Variants in ZBTB16 observed in about 807,000 individuals in gnomAD.
ZBTB16 encodes the protein zinc finger and BTB domain containing 16.
Under a neutral mutation model 56.8 loss-of-function variants are expected in ZBTB16, and 8 were observed. The ratio of observed to expected loss-of-function variants is 0.14; its 90% CI spans 0.08 to 0.25. ZBTB16 has a LOEUF of 0.25. Ranked by LOEUF, ZBTB16 falls within the 10% of genes least tolerant of loss-of-function variation. ZBTB16 has a pLI of 1.00. For missense variants in ZBTB16, 625 were observed against 903.0 expected (o/e 0.69, Z 3.95); for synonymous variants, 363 against 368.5 (o/e 0.98, Z 0.17).
At chr11:114,149,114 C>G (rs189245341) in intron 2 of ZBTB16, among the ~76,000 whole-genome samples, 2 of 152,196 alleles carry the variant, frequency 1.3e-5, no homozygotes, top group Admixed American at 1.3e-4. Context: ...AGCCCCACAG[C>G]CTTTCAGTTT....
chr11:114,229,703 A>G (rs1372920120), intron 4 of ZBTB16, among the ~76,000 whole-genome samples: 2 of 152,118 alleles, frequency 1.3e-5, no homozygotes, highest in African/African-American at 4.8e-5. Flanking sequence ...ATTATTTTCA[A>G]AGATACCTGT....
At chr11:114,080,843 T>C (rs1475944159) in intron 2 of ZBTB16, among the ~76,000 whole-genome samples, 1 of 152,344 alleles carries the variant, frequency 6.6e-6, no homozygotes, top group East Asian at 1.9e-4. Flanking sequence ...ACAGAGAGGT[T>C]GTCTAAGTGT....
intron 2 of ZBTB16, among the ~76,000 whole-genome samples, chr11:114,068,008 G>A (rs1452702951): frequency 8.3e-6 from 1 of 120,762 alleles, no homozygotes; most frequent in East Asian, 2.3e-4. Context: ...AAATGCTATG[G>A]TGGAAAAAAA....
At chr11:114,204,774 G>A (rs148625431) in intron 4 of ZBTB16, among the ~76,000 whole-genome samples, 26 of 152,156 alleles carry the variant, frequency 1.7e-4, no homozygotes, top group Non-Finnish European at 2.5e-4. Flanking sequence ...CTGTTTACTC[G>A]ACCATCCCAG....
chr11:114,155,299 G>A (rs1418548336), intron 2 of ZBTB16, among the ~76,000 whole-genome samples: 3 of 152,222 alleles, frequency 2.0e-5, no homozygotes, highest in South Asian at 2.1e-4. Context: ...TCCTGGATCC[G>A]GCAATAGCAT....
chr11:114,246,179 G>A (rs927532220), intron 5 of ZBTB16, among the ~76,000 whole-genome samples: 2 of 152,128 alleles, frequency 1.3e-5, no homozygotes, highest in Admixed American at 6.5e-5. Flanking sequence ...CTCCCTGTGC[G>A]ATACACTGAG....
intron 2 of ZBTB16, among the ~76,000 whole-genome samples, chr11:114,069,299 A>G (rs564349718): frequency 6.6e-6 from 1 of 152,160 alleles, no homozygotes; most frequent in Non-Finnish European, 1.5e-5. Flanking sequence ...GTTAGCCAGT[A>G]TGGTCTCGAT....
At chr11:114,223,234 C>G (rs190273449) in intron 4 of ZBTB16, among the ~76,000 whole-genome samples, 2 of 152,346 alleles carry the variant, frequency 1.3e-5, no homozygotes, top group Non-Finnish European at 2.9e-5. Context: ...TGAATGAATA[C>G]TTCCAGGTTG....
At chr11:114,077,616 C>G (rs898767260) in intron 2 of ZBTB16, among the ~76,000 whole-genome samples, 1 of 152,122 alleles carries the variant, frequency 6.6e-6, no homozygotes, top group Non-Finnish European at 1.5e-5. Flanking sequence ...ACGGCTGTTG[C>G]GCAGAGGAGA....
chr11:114,199,050 C>T (rs1943670249), intron 4 of ZBTB16, among the ~76,000 whole-genome samples: 1 of 152,252 alleles, frequency 6.6e-6, no homozygotes, highest in Admixed American at 6.5e-5. Flanking sequence ...AAGCTCATTT[C>T]CTCCACAGAC....
chr11:114,121,764 A>G, intron 2 of ZBTB16: 1 of 454,930 alleles, frequency 2.2e-6, no homozygotes, highest in Non-Finnish European at 4.4e-6. Context: ...TTATACTCGC[A>G]GTTTTGTAGC....
rs527521240 is a variant in ZBTB16, at chr11:114,192,517, C to T, written c.1453+5479C>T. On this transcript the variant is annotated intron_variant, in intron 4 of 6. Transcript: ENST00000335953. ...CAGCTGCTGTTAAGATTATTGTCATCAGTATTTCAGCGTTCTTGTCCTTGC... is the reference window on the plus strand; with the variant it reads ...CAGCTGCTGTTAAGATTATTGTCATTAGTATTTCAGCGTTCTTGTCCTTGC... Among the ~76,000 whole-genome samples, 10 of 152,160 alleles carry T rather than the reference C, an allele frequency of 6.6e-5. No homozygotes were observed. In the South Asian group the frequency reaches 1.0e-3, roughly 16 times the overall value.
intron 4 of ZBTB16, among the ~76,000 whole-genome samples, chr11:114,235,974 G>A (rs997818076): frequency 6.6e-6 from 1 of 151,764 alleles, no homozygotes; most frequent in African/African-American, 2.4e-5. Context: ...ATATTACTAA[G>A]AGTCATGTTC....
intron 2 of ZBTB16, among the ~76,000 whole-genome samples, chr11:114,074,592 C>G (rs189884461): frequency 5.3e-4 from 81 of 152,334 alleles, no homozygotes; most frequent in African/African-American, 1.8e-3. Context: ...ACTTAGCAGG[C>G]TCTTGTTTCT....
chr11:114,136,211 T>C (rs574753243), intron 2 of ZBTB16, among the ~76,000 whole-genome samples: 2 of 152,208 alleles, frequency 1.3e-5, no homozygotes, highest in African/African-American at 4.8e-5. Flanking sequence ...GTTTTTAAAA[T>C]AAGCGAATTC....
chr11:114,108,971 T>C (rs533009589), intron 2 of ZBTB16, among the ~76,000 whole-genome samples: 251 of 152,340 alleles, frequency 1.6e-3, no homozygotes, highest in Admixed American at 2.8e-3. Flanking sequence ...CCGCTCTGCC[T>C]ACCTCCTGCG....
chr11:114,123,840 C>T (rs1941413051), intron 2 of ZBTB16, among the ~76,000 whole-genome samples: 2 of 152,082 alleles, frequency 1.3e-5, no homozygotes, highest in Non-Finnish European at 2.9e-5. Flanking sequence ...GCCACCCACC[C>T]CTGTCACCTG....
At chr11:114,203,106 T>C (rs1943773281) in intron 4 of ZBTB16, among the ~76,000 whole-genome samples, 1 of 152,232 alleles carries the variant, frequency 6.6e-6, no homozygotes, top group South Asian at 2.1e-4. Flanking sequence ...ATCCATACCA[T>C]GGACTATAAT....
intron 2 of ZBTB16, among the ~76,000 whole-genome samples, chr11:114,125,089 G>T (rs1941469394): frequency 1.3e-5 from 2 of 151,790 alleles, no homozygotes; most frequent in Non-Finnish European, 1.5e-5. Context: ...TTCCTTTATA[G>T]TTCTATTGGA....
Sources: gnomAD v4.1 joint callset for allele counts (sites outside exome capture counted in the v4.1 genomes callset) on GRCh38, gnomAD v4.1.1 for gene constraint, MANE v1.5 for transcripts, NCBI Gene and HGNC (gene_info 2026-07-23, HGNC 2026-07-21) for gene names.